The following CCKBR variants were observed in gnomAD, a reference collection of about 807,000 sequenced individuals.
The protein encoded by CCKBR is cholecystokinin B receptor.
A neutral mutation model predicts 34.6 loss-of-function variants in CCKBR; 33 were observed. The observed-to-expected ratio is 0.95, with a 90% confidence interval of 0.72 to 1.27. The LOEUF (loss-of-function observed/expected upper bound fraction) is 1.27. Ranked by LOEUF, CCKBR falls within the 50% of genes most tolerant of loss-of-function variation. The pLI is 0.00. For missense variants in CCKBR, 652 were observed against 617.4 expected (o/e 1.06, Z -0.59); for synonymous variants, 269 against 267.5 (o/e 1.01, Z -0.06).
Position 6,271,643 on chromosome 11 carries a change from C to G in CCKBR, c.*100C>G, listed in dbSNP as rs199752833. 5.0e-3 allele frequency: 6,124 copies of G among 1,224,380 alleles called. 31 individuals are homozygous for G. Among genetic ancestry groups the G allele is most frequent in the Non-Finnish European group, 5.6e-3 (5,029 of 897,944 alleles). 75.8% of individuals were successfully genotyped at this position (1,224,380 alleles called of 1,614,324 possible). On this transcript the variant is annotated 3_prime_UTR_variant, in exon 5 of 5. Transcript: ENST00000334619. ...CCACAACTGACACAGGAAACCAACACCCAAAGCATGGACTAACCCCAACGC... is the reference window on the plus strand; with the variant it reads ...CCACAACTGACACAGGAAACCAACAGCCAAAGCATGGACTAACCCCAACGC...
intron 2 of CCKBR, 32 bp from the exon 3 acceptor site, chr11:6,270,056 G>A (rs749283305): frequency 7.5e-6 from 12 of 1,589,772 alleles, no homozygotes; most frequent in Admixed American, 3.4e-5. Flanking sequence ...AAGTTTCCTA[G>A]GTGACTCCTT....
intron 1 of CCKBR, chr11:6,264,731 AC>A: frequency 1.9e-6 from 1 of 513,878 alleles, no homozygotes. Context: ...CAATACACAC[AC>A]ACACACACAC....
chr11:6,265,420 G>A (rs1409572469), intron 1 of CCKBR, among the ~76,000 whole-genome samples: 2 of 152,232 alleles, frequency 1.3e-5, no homozygotes, highest in Non-Finnish European at 2.9e-5. Context: ...GAATGAATGA[G>A]AAATTGCTTT....
chr11:6,262,939 G>A (rs986718066), intron 1 of CCKBR, among the ~76,000 whole-genome samples: 2 of 152,178 alleles, frequency 1.3e-5, no homozygotes, highest in African/African-American at 4.8e-5. Flanking sequence ...GTGAAAGCGG[G>A]ATGTGACGCA....
At chr11:6,262,102 G>A (rs1848142076) in intron 1 of CCKBR, among the ~76,000 whole-genome samples, 1 of 152,190 alleles carries the variant, frequency 6.6e-6, no homozygotes, top group African/African-American at 2.4e-5. Context: ...AGGTTTGGAA[G>A]AGGGAATTAT....
intron 3 of CCKBR, 64 bp from the exon 4 acceptor site, chr11:6,270,582 C>T (rs897135234): frequency 2.0e-6 from 3 of 1,521,572 alleles, no homozygotes; most frequent in Non-Finnish European, 2.7e-6. Context: ...TAGTCCTTGG[C>T]TTTTTCTCCA....
chr11:6,267,820 G>T (rs968335264), intron 1 of CCKBR, among the ~76,000 whole-genome samples: 3 of 152,072 alleles, frequency 2.0e-5, no homozygotes, highest in Non-Finnish European at 1.5e-5. Context: ...AAACTTTTCA[G>T]CTCCATTATA....
In CCKBR at chr11:6,270,247, C is replaced by G; in HGVS notation, c.563C>G (p.Pro188Arg). 3 of 1,613,246 alleles carry G rather than the reference C, an allele frequency of 1.9e-6. No homozygotes were observed. Among genetic ancestry groups the G allele is most frequent in the Non-Finnish European group, 2.5e-6 (3 of 1,180,038 alleles). The change falls in exon 3 of 5, where the codon CCC becomes CGC. Residue 188 changes from proline (P) to arginine (R), a missense_variant. Coordinates refer to ENST00000334619, the MANE Select transcript of CCKBR (RefSeq NM_176875.4). Reference protein sequence around the residue: ...TWLLSGLLMVPYPVYTVVQPV... With the variant: ...TWLLSGLLMVRYPVYTVVQPV... ...CTGCTGTCCGGACTACTCATGGTGC[C>G]CTACCCCGTGTACACTGTCGTGCAA...
chr11:6,266,424 G>A (rs551415934), intron 1 of CCKBR, among the ~76,000 whole-genome samples: 14 of 152,308 alleles, frequency 9.2e-5, no homozygotes, highest in African/African-American at 3.1e-4. Flanking sequence ...AGGAGGCAAA[G>A]GTTGCGGTGA....
intron 1 of CCKBR, among the ~76,000 whole-genome samples, chr11:6,262,722 G>GAGAGAGAGAGAGAGAA (rs377114173): frequency 2.1e-3 from 247 of 119,088 alleles, no homozygotes; most frequent in African/African-American, 5.8e-3. Flanking sequence ...GAGAGAGAGA[G>GAGAGAGAGAGAGAGAA]AGAAAGAAAA....
In CCKBR at chr11:6,260,097, C is replaced by G; in HGVS notation, c.151+18C>G. On this transcript the variant is annotated intron_variant, in intron 1 of 4. Transcript: ENST00000334619. ...GACACGAGGTGGGTGCCTCCCTCAG[C>G]CCCCCCCACAAGCTATTTCTCACTG... 1 of 1,561,004 alleles carries G rather than the reference C, an allele frequency of 6.4e-7. No individual in the cohort carries two copies. Among genetic ancestry groups the G allele is most frequent in the Non-Finnish European group, 8.7e-7 (1 of 1,155,814 alleles).
chr11:6,267,053 G>A (rs1848220230), intron 1 of CCKBR, among the ~76,000 whole-genome samples: 1 of 152,180 alleles, frequency 6.6e-6, no homozygotes, highest in Non-Finnish European at 1.5e-5. Context: ...GGCACGTACC[G>A]TTAATGGAAC....
At position 6,261,448 on chromosome 11, in the gene CCKBR, A is replaced by AT. The variant is rs1250920456; in HGVS notation, c.151+1369_151+1370insT. Among the ~76,000 whole-genome samples, 35 of 34,086 alleles carry AT rather than the reference A, an allele frequency of 1.0e-3. 2 individuals are homozygous for AT. The highest frequency in any genetic ancestry group is 2.6e-3 in the African/African-American group (31 of 12,060). The allele number at this position is 34,086 out of a possible 152,430, so 22.4% of individuals were successfully genotyped here. On this transcript the variant is annotated intron_variant, in intron 1 of 4. Transcript: ENST00000334619. ...CTTCCTGTTGGCAAAAAAAAAAAAAAAAAAAAATATATATACACACACACA... is the reference window on the plus strand; with the variant it reads ...CTTCCTGTTGGCAAAAAAAAAAAAAATAAAAAAATATATATACACACACACA...
chr11:6,261,248 G>C (rs965187571), intron 1 of CCKBR, among the ~76,000 whole-genome samples: 1 of 151,500 alleles, frequency 6.6e-6, no homozygotes, highest in Non-Finnish European at 1.5e-5. Flanking sequence ...AAGTTTAATG[G>C]GCGAGACAGA....
At chr11:6,260,101 C>A (rs758647992) in intron 1 of CCKBR, 22 bp downstream of exon 1, 14 of 1,570,624 alleles carry the variant, frequency 8.9e-6, no homozygotes, top group East Asian at 7.3e-5. Flanking sequence ...CCTCAGCCCC[C>A]CCCACAAGCT....
chr11:6,263,060 C>T (rs1454732559), intron 1 of CCKBR, among the ~76,000 whole-genome samples: 5 of 152,222 alleles, frequency 3.3e-5, no homozygotes, highest in Admixed American at 2.6e-4. Flanking sequence ...CAGCCACACT[C>T]ATTCAGATAT....
rs756554380 is a variant in CCKBR at position 6,267,812 on chromosome 11, A to G, written c.152-1857A>G. On this transcript the variant is annotated intron_variant, in intron 1 of 4. Transcript: ENST00000334619. The stretch of plus-strand genomic sequence containing the variant: ...ACAATAACATTACTAGGTGATAGAA[A>G]CTTTTCAGCTCCATTATAATCTTTT... Among the ~76,000 whole-genome samples, 4 of 152,262 alleles carry G rather than the reference A, an allele frequency of 2.6e-5. No individual in the cohort carries two copies. In the South Asian group the frequency reaches 8.3e-4, roughly 32 times the overall value.
rs993896240 is a variant in CCKBR, at chr11:6,271,793, C to A, written c.*250C>A. The A allele has an allele frequency of 4.1e-5, 20 of 489,532 alleles. No homozygotes were observed. Among genetic ancestry groups the A allele is most frequent in the African/African-American group, 3.5e-4 (18 of 51,470 alleles). The allele number at this position is 489,532 out of a possible 1,614,324, so 30.3% of individuals were successfully genotyped here. A position where few individuals can be genotyped will look rare whatever the true frequency, so the allele number is the denominator to read the frequency against. ...AAACATGACACTGACCTTGGAGAGACACAGCGTCCCTAGCAGTGAACTATT... is the reference window on the plus strand; with the variant it reads ...AAACATGACACTGACCTTGGAGAGAAACAGCGTCCCTAGCAGTGAACTATT... On this transcript the variant is annotated 3_prime_UTR_variant, in exon 5 of 5. Transcript: ENST00000334619.
intron 1 of CCKBR, 117 bp from the exon 2 acceptor site, chr11:6,269,552 C>A: frequency 8.5e-7 from 1 of 1,172,722 alleles, no homozygotes; most frequent in Admixed American, 1.8e-5. Context: ...AGCAGTTCAT[C>A]GGTGGGGAAT....
Sources: allele counts gnomAD v4.1 joint callset (sites outside exome capture counted in the v4.1 genomes callset), GRCh38; gene constraint gnomAD v4.1.1; transcripts MANE v1.5; gene names NCBI Gene and HGNC (gene_info 2026-07-23, HGNC 2026-07-21).